KDM2A: variants seen among roughly 807,000 people sequenced by gnomAD.
KDM2A encodes lysine demethylase 2A.
A neutral mutation model predicts 137.3 loss-of-function variants in KDM2A; 3 were observed. The observed-to-expected ratio is 0.02, with a 90% CI of 0.01 to 0.06. The LOEUF is 0.06. Among genes scored for constraint, KDM2A ranks in the 10% least tolerant of loss-of-function variants. The probability of loss-of-function intolerance (pLI) is 1.00; values close to 1 mark genes in which losing one functional copy is unlikely to be tolerated. For synonymous variants in KDM2A, 512 were observed against 541.5 expected, an observed-to-expected ratio of 0.95 and a Z score of 0.76; for missense variants, 738 against 1,510.6, an observed-to-expected ratio of 0.49 and a Z score of 8.48.
At chr11:67,206,686 G>T (rs189433221) in intron 5 of KDM2A, among the ~76,000 whole-genome samples, 44 of 152,296 alleles carry the variant, frequency 2.9e-4, no homozygotes, top group Admixed American at 1.8e-3. Context: ...GCAGTGAGCC[G>T]AGAGCGTGCC....
chr11:67,162,464 G>A (rs1261934376), intron 2 of KDM2A, among the ~76,000 whole-genome samples: 2 of 152,110 alleles, frequency 1.3e-5, no homozygotes, highest in African/African-American at 4.8e-5. Context: ...GAGTGCAGTG[G>A]CGTGACCTCA....
At chr11:67,149,188 G>A (rs1856324545) in intron 2 of KDM2A, 1 of 152,070 alleles carries the variant, frequency 6.6e-6, no homozygotes, top group Non-Finnish European at 1.5e-5. Flanking sequence ...TGTTCCCTTA[G>A]TGTAGGGCTA....
In KDM2A at chr11:67,255,095, C is replaced by A; in HGVS notation, c.*40C>A. The A allele has an allele frequency of 2.6e-6, 4 of 1,563,468 alleles. No homozygotes were observed. Among genetic ancestry groups the A allele is most frequent in the Non-Finnish European group, 3.5e-6 (4 of 1,150,962 alleles). Reference sequence around the variant, plus strand: ...AGATTCAACAGGAAACCGATCTTCCCCTGACTCCCCACCGAGGAGAGCCTC... The same window carrying A: ...AGATTCAACAGGAAACCGATCTTCCACTGACTCCCCACCGAGGAGAGCCTC... On this transcript the variant is annotated 3_prime_UTR_variant, in exon 21 of 21. Transcript: ENST00000529006.
chr11:67,199,594 C>G (rs1169188385), intron 5 of KDM2A, among the ~76,000 whole-genome samples: 2 of 152,200 alleles, frequency 1.3e-5, no homozygotes, highest in African/African-American at 4.8e-5. Context: ...AGCCCTGATT[C>G]TCTTTAATTC....
intron 5 of KDM2A, among the ~76,000 whole-genome samples, chr11:67,198,323 T>G (rs1857531221): frequency 6.6e-6 from 1 of 152,124 alleles, no homozygotes; most frequent in Non-Finnish European, 1.5e-5. Context: ...TGTATTTTTT[T>G]TTTTTTTTAA....
At chr11:67,236,223 C>T (rs925455929) in intron 12 of KDM2A, among the ~76,000 whole-genome samples, 4 of 152,074 alleles carry the variant, frequency 2.6e-5, no homozygotes, top group East Asian at 1.9e-4. Context: ...CTCCGCCTGT[C>T]GGGTTCAAGT....
chr11:67,181,741 G>T, intron 4 of KDM2A, 105 bp from the exon 5 acceptor site: 1 of 846,846 alleles, frequency 1.2e-6, no homozygotes, highest in South Asian at 1.5e-5. Flanking sequence ...ACCTGATTGT[G>T]AATATTACTG....
intron 5 of KDM2A, among the ~76,000 whole-genome samples, chr11:67,193,247 C>T (rs879432243): frequency 6.6e-6 from 1 of 152,160 alleles, no homozygotes; most frequent in African/African-American, 2.4e-5. Flanking sequence ...GCCTCAGCCT[C>T]CCAAAGTGCT....
At chr11:67,238,223 T>G (rs1055281353) in intron 12 of KDM2A, among the ~76,000 whole-genome samples, 6 of 152,214 alleles carry the variant, frequency 3.9e-5, no homozygotes, top group Non-Finnish European at 8.8e-5. Context: ...TAATTTGTGA[T>G]TTGGAAACTT....
chr11:67,256,370 A>G lies in KDM2A; in HGVS notation c.*1315A>G, dbSNP rs1245850892. 1.3e-5 allele frequency: 2 copies of G among 152,476 alleles called. No individual in the cohort carries two copies. Among genetic ancestry groups the G allele is most frequent in the Non-Finnish European group, 2.9e-5 (2 of 68,000 alleles). The allele number at this position is 152,476 out of a possible 1,614,324, so 9.4% of individuals were successfully genotyped here. ...GCACTTTAAAAAAAAAAAGAAAGAA[A>G]GAAAGGTCGGAATTTCTTTTGGGTC... On this transcript the variant is annotated 3_prime_UTR_variant, in exon 21 of 21. Transcript: ENST00000529006.
chr11:67,194,322 G>A (rs1277645147), intron 5 of KDM2A, among the ~76,000 whole-genome samples: 1 of 152,156 alleles, frequency 6.6e-6, no homozygotes, highest in East Asian at 1.9e-4. Flanking sequence ...CAGCTGCTCA[G>A]CCAGATTCCC....
At chr11:67,189,597 T>C (rs895708040) in intron 5 of KDM2A, among the ~76,000 whole-genome samples, 1 of 152,142 alleles carries the variant, frequency 6.6e-6, no homozygotes, top group Non-Finnish European at 1.5e-5. Context: ...CCTAGCACTT[T>C]GGCAGGCTGA....
chr11:67,177,714 AAGT>A (rs1443131396), intron 2 of KDM2A, among the ~76,000 whole-genome samples: 1 of 152,190 alleles, frequency 6.6e-6, no homozygotes, highest in Non-Finnish European at 1.5e-5. Context: ...AGAAAAAAAA[AAGT>A]AGAAGGAATG....
At chr11:67,228,987 A>G (rs1300100559) in intron 11 of KDM2A, among the ~76,000 whole-genome samples, 2 of 152,040 alleles carry the variant, frequency 1.3e-5, no homozygotes, top group Admixed American at 1.3e-4. Flanking sequence ...CACCTCCCAA[A>G]TTGGAATTAC....
intron 16 of KDM2A, 143 bp downstream of exon 16, chr11:67,248,513 C>T: frequency 1.7e-6 from 1 of 594,908 alleles, no homozygotes; most frequent in Non-Finnish European, 3.0e-6. Flanking sequence ...TATGTTTTTC[C>T]TTTGGTTAAT....
chr11:67,240,409 G>A (rs1858995794), intron 12 of KDM2A: 2 of 1,506,498 alleles, frequency 1.3e-6, no homozygotes, highest in South Asian at 2.4e-5. Context: ...GGTTTGGGGT[G>A]CGTGTAACTA....
intron 2 of KDM2A, among the ~76,000 whole-genome samples, chr11:67,143,695 C>T (rs549714656): frequency 2.6e-5 from 4 of 151,652 alleles, no homozygotes; most frequent in East Asian, 3.9e-4. Context: ...TGCAATGACG[C>T]GATCTTGGCT....
chr11:67,157,516 G>C (rs1856545229), intron 2 of KDM2A, among the ~76,000 whole-genome samples: 1 of 151,540 alleles, frequency 6.6e-6, no homozygotes, highest in African/African-American at 2.4e-5. Context: ...AGGCCGAGGG[G>C]GGCGGATCAC....
At chr11:67,142,592 T>TTGGGGTTGGGGG (rs1856135379) in intron 2 of KDM2A, among the ~76,000 whole-genome samples, 2 of 118,850 alleles carry the variant, frequency 1.7e-5, no homozygotes, top group Non-Finnish European at 3.6e-5. Context: ...GGGGTTGGGG[T>TTGGGGTTGGGGG]TGGGGGGGCG....
Sources: gnomAD v4.1 joint callset for allele counts (sites outside exome capture counted in the v4.1 genomes callset) on GRCh38, gnomAD v4.1.1 for gene constraint, MANE v1.5 for transcripts, NCBI Gene and HGNC (gene_info 2026-07-23, HGNC 2026-07-21) for gene names.